LRRTM4: variants seen among roughly 807,000 people sequenced by gnomAD.
LRRTM4 encodes the protein leucine-rich repeat transmembrane neuronal protein 4.
A neutral mutation model predicts 47.6 loss-of-function variants in LRRTM4; 25 were observed. The observed-to-expected ratio is 0.53, with a 90% CI of 0.38 to 0.73. The LOEUF is 0.73. Among genes scored for constraint, LRRTM4 ranks in the 30% least tolerant of loss-of-function variants. The probability of loss-of-function intolerance (pLI) is 0.00; values close to 1 mark genes in which losing one functional copy is unlikely to be tolerated. For missense variants in LRRTM4, 638 were observed against 713.4 expected (o/e 0.89, Z 1.20); for synonymous variants, 311 against 269.5 (o/e 1.15, Z -1.51).
chr2:77,328,357 CAG>C (rs931874753), intron 3 of LRRTM4, among the ~76,000 whole-genome samples: 4 of 152,158 alleles, frequency 2.6e-5, no homozygotes, highest in African/African-American at 9.7e-5. Flanking sequence ...TGATTGCTGA[CAG>C]AGAGTTCACT....
intron 3 of LRRTM4, among the ~76,000 whole-genome samples, chr2:77,441,234 G>C (rs1297616455): frequency 6.6e-6 from 1 of 152,144 alleles, no homozygotes; most frequent in Non-Finnish European, 1.5e-5. Flanking sequence ...GCTCAGTAGA[G>C]CAAAGACTGC....
intron 3 of LRRTM4, among the ~76,000 whole-genome samples, chr2:76,911,112 T>C (rs971977565): frequency 6.6e-6 from 1 of 152,234 alleles, no homozygotes; most frequent in African/African-American, 2.4e-5. Flanking sequence ...CTTTAAAACA[T>C]ATTTTTTGGT....
rs369427481 is a variant in LRRTM4, at chr2:77,370,652, G to A, written c.1551+147666C>T. Among the ~76,000 whole-genome samples the A allele has an allele frequency of 3.4e-4, 52 of 151,790 alleles. 1 individual carries two copies. The South Asian group carries it at 0.011, about 31-fold the overall frequency. Reference sequence around the variant, plus strand: ...AGATATGATGAGATGGATTGATGTAGCTATCTGCCAAACAGCATGATTAAA... The same window carrying A: ...AGATATGATGAGATGGATTGATGTAACTATCTGCCAAACAGCATGATTAAA... On this transcript the variant is annotated intron_variant, in intron 3 of 3. Coordinates refer to ENST00000409884, the MANE Select transcript of LRRTM4 (RefSeq NM_001134745.3).
At chr2:77,033,699 T>C (rs1678739609) in intron 3 of LRRTM4, among the ~76,000 whole-genome samples, 1 of 151,930 alleles carries the variant, frequency 6.6e-6, no homozygotes, top group South Asian at 2.1e-4. Context: ...AGCTAAGATT[T>C]GTAATTTTCA....
At chr2:76,850,767 G>T (rs1459987218) in intron 3 of LRRTM4, among the ~76,000 whole-genome samples, 1 of 152,030 alleles carries the variant, frequency 6.6e-6, no homozygotes, top group African/African-American at 2.4e-5. Flanking sequence ...ATAATATACA[G>T]AATTTTCTCT....
Position 77,519,131 on chromosome 2 carries a change from T to C in LRRTM4, c.738A>G (p.Gln246=), listed in dbSNP as rs748645675. 2 of 1,613,120 alleles carry C rather than the reference T, an allele frequency of 1.2e-6. No homozygotes were observed. Among genetic ancestry groups the C allele is most frequent in the Non-Finnish European group, 1.7e-6 (2 of 1,179,494 alleles). The change falls in exon 3 of 4, where the codon CAA becomes CAG. Residue 246 remains glutamine, a synonymous_variant. Transcript: ENST00000409884. This position sits in a 1 kb window ranked among gnomAD's most constrained non-coding sequence, Gnocchi z 4.6. ...AGGAACTCCAAGTCCATGTCAAACC[T>C]TGGCTAATGGAGCGAATCCTGTTCC... ...LQWNRIRSIS[Q]GLTWTWSSLH...
chr2:76,976,105 C>A (rs1676410058), intron 3 of LRRTM4, among the ~76,000 whole-genome samples: 2 of 151,614 alleles, frequency 1.3e-5, no homozygotes, highest in Non-Finnish European at 3.0e-5. Context: ...GGTTTTAAAC[C>A]TTTATACAAA....
intron 3 of LRRTM4, among the ~76,000 whole-genome samples, chr2:77,272,529 C>T (rs1192491511): frequency 6.6e-6 from 1 of 152,106 alleles, no homozygotes; most frequent in Non-Finnish European, 1.5e-5. Flanking sequence ...ACCATTAAAA[C>T]AAAGTGAGCC....
intron 3 of LRRTM4, among the ~76,000 whole-genome samples, chr2:77,069,224 G>C (rs866952409): frequency 6.6e-6 from 1 of 152,006 alleles, no homozygotes; most frequent in African/African-American, 2.4e-5. Flanking sequence ...GGGTCTCCCC[G>C]ACCGAGTTGG....
chr2:77,290,683 A>C lies in LRRTM4; in HGVS notation c.1551+227635T>G, dbSNP rs914580359. On this transcript the variant is annotated intron_variant, in intron 3 of 3. Coordinates refer to ENST00000409884, the MANE Select transcript of LRRTM4 (RefSeq NM_001134745.3). Reference sequence around the variant, plus strand: ...CCATAAATATATACTATTATTCAGTATCTGTAATAATGAAAATTTTAAAAA... The same window carrying C: ...CCATAAATATATACTATTATTCAGTCTCTGTAATAATGAAAATTTTAAAAA... Among the ~76,000 whole-genome samples the C allele has an allele frequency of 2.0e-5, 3 of 152,026 alleles. No individual in the cohort carries two copies. The East Asian group carries it at 5.8e-4, about 29-fold the overall frequency.
At chr2:77,193,747 G>A (rs969118802) in intron 3 of LRRTM4, among the ~76,000 whole-genome samples, 1 of 152,088 alleles carries the variant, frequency 6.6e-6, no homozygotes, top group Non-Finnish European at 1.5e-5. Flanking sequence ...ATTGCACTCC[G>A]GCCTGGGCAA....
chr2:77,311,592 C>T lies in LRRTM4; in HGVS notation c.1551+206726G>A, dbSNP rs6746344. ...GTCAAATGGGTTAAAATTTGTAAAG[C>T]GTTTAGCATAGTAGGTGGCATATAT... is the stretch of plus-strand genomic sequence containing the variant. On this transcript the variant is annotated intron_variant, in intron 3 of 3. Transcript: ENST00000409884. Among the ~76,000 whole-genome samples, 1,225 of 152,202 alleles carry T rather than the reference C, an allele frequency of 8.0e-3. 14 individuals carry two copies. The highest frequency in any genetic ancestry group is 0.028 in the African/African-American group (1,172 of 41,530).
chr2:76,817,337 T>C (rs1303582589), intron 3 of LRRTM4, among the ~76,000 whole-genome samples: 1 of 151,968 alleles, frequency 6.6e-6, no homozygotes. Context: ...GTTGGAGGTT[T>C]CACTGGTATA....
intron 3 of LRRTM4, among the ~76,000 whole-genome samples, chr2:77,137,519 C>T (rs1671981685): frequency 1.3e-5 from 2 of 151,984 alleles, no homozygotes; most frequent in Non-Finnish European, 2.9e-5. Flanking sequence ...ACTGCAAAAA[C>T]ATGCCAAATT....
chr2:76,942,674 A>ATGTGTGTGTGTGTGTGTGTGTGTG (rs750604219), intron 3 of LRRTM4, among the ~76,000 whole-genome samples: 185 of 123,340 alleles, frequency 1.5e-3, no homozygotes, highest in African/African-American at 5.6e-3. Context: ...ACCTCTAGGA[A>ATGTGTGTGTGTGTGTGTGTGTGTG]TCTGTGTGTG....
At chr2:76,833,061 C>T (rs1671400374) in intron 3 of LRRTM4, among the ~76,000 whole-genome samples, 1 of 152,016 alleles carries the variant, frequency 6.6e-6, no homozygotes, top group African/African-American at 2.4e-5. Context: ...TTAAAGCTTG[C>T]AATGACTGTT....
chr2:76,775,051 T>C (rs980346126), intron 3 of LRRTM4, among the ~76,000 whole-genome samples: 3 of 152,206 alleles, frequency 2.0e-5, no homozygotes, highest in African/African-American at 7.2e-5. Flanking sequence ...TTCTCCAAGA[T>C]ACATATCTTG....
chr2:77,092,520 A>G (rs1670680167), intron 3 of LRRTM4, among the ~76,000 whole-genome samples: 1 of 135,798 alleles, frequency 7.4e-6, no homozygotes, highest in Non-Finnish European at 1.5e-5. Context: ...CTATTCTACT[A>G]CTCCTCAGGG....
chr2:77,089,533 G>A (rs928737904), intron 3 of LRRTM4, among the ~76,000 whole-genome samples: 1 of 150,520 alleles, frequency 6.6e-6, no homozygotes, highest in Non-Finnish European at 1.5e-5. Flanking sequence ...TTATCTCTGT[G>A]CCCCAACCCC....
Sources: gnomAD v4.1 joint callset for allele counts (sites outside exome capture counted in the v4.1 genomes callset) on GRCh38, gnomAD v4.1.1 for gene constraint, Gnocchi (gnomAD v3.1) non-coding constraint, MANE v1.5 for transcripts, NCBI Gene and HGNC (gene_info 2026-07-23, HGNC 2026-07-21) for gene names.